Variants in CTR9 observed in about 807,000 individuals in gnomAD.
The protein encoded by CTR9 is CTR9 component of Paf1/RNA polymerase II complex.
A neutral mutation model predicts 152.1 loss-of-function variants in CTR9; 41 were observed. The observed-to-expected ratio is 0.27, with a 90% CI of 0.21 to 0.35. The LOEUF is 0.35. Among genes scored for constraint, CTR9 ranks in the 10% least tolerant of loss-of-function variants. CTR9 has a pLI of 1.00. For missense variants in CTR9, 917 were observed against 1,424.4 expected (o/e 0.64, Z 5.73); for synonymous variants, 476 against 496.2 (o/e 0.96, Z 0.54).
At chr11:10,776,724 G>GC (rs1863240609) in intron 24 of CTR9, among the ~76,000 whole-genome samples, 1 of 152,118 alleles carries the variant, frequency 6.6e-6, no homozygotes, top group Non-Finnish European at 1.5e-5. Context: ...TGTAATCCCA[G>GC]CACTTTGAGA....
intron 20 of CTR9, 59 bp from the exon 21 acceptor site, chr11:10,773,068 A>G (rs970953177): frequency 6.4e-7 from 1 of 1,558,346 alleles, no homozygotes; most frequent in Non-Finnish European, 8.6e-7. Flanking sequence ...GGTAGCCATT[A>G]ATTTTTCATC....
chr11:10,776,967 T>C (rs966503913), intron 24 of CTR9, among the ~76,000 whole-genome samples: 1 of 99,202 alleles, frequency 1.0e-5, no homozygotes, highest in African/African-American at 4.5e-5. Flanking sequence ...AATGAGACTC[T>C]TGTGAAAAAA....
chr11:10,752,134 C>T (rs905155941), intron 1 of CTR9, among the ~76,000 whole-genome samples: 2 of 151,912 alleles, frequency 1.3e-5, no homozygotes, highest in Admixed American at 1.3e-4. Flanking sequence ...GTATAAAATT[C>T]AGTGGTTTTT....
In CTR9 at chr11:10,778,810, C is replaced by A. The variant is rs1420544425; in HGVS notation, c.3227C>A (p.Pro1076Gln). 1.9e-6 allele frequency: 3 copies of A among 1,614,088 alleles called. No individual in the cohort carries two copies. Among genetic ancestry groups the A allele is most frequent in the African/African-American group, 1.3e-5 (1 of 74,914 alleles). Residue 1076 changes from proline (P) to glutamine (Q), a missense_variant, in exon 25 of 25, where the codon CCA (proline) becomes CAA (glutamine). By Grantham distance (76) the Pro-to-Gln change is moderately conservative. Around this residue, in one of 9 missense-constraint regions of CTR9, gnomAD observed 384 missense variants for 398.4 expected, o/e 0.96. Transcript: ENST00000361367. Reference sequence around the variant, plus strand: ...AGCGAGGCCGGCAGTCCCCGGAGGCCACGAAGACAGCGGTCAGATCAGGAC... The same window carrying A: ...AGCGAGGCCGGCAGTCCCCGGAGGCAACGAAGACAGCGGTCAGATCAGGAC... ...SGSEAGSPRR[P>Q]RRQRSDQDSD...
intron 24 of CTR9, among the ~76,000 whole-genome samples, chr11:10,778,027 C>G (rs1259447683): frequency 6.6e-6 from 1 of 152,274 alleles, no homozygotes; most frequent in East Asian, 1.9e-4. Flanking sequence ...CCTTTCCTTT[C>G]ACTTATCAAC....
Position 10,770,505 on chromosome 11 carries a change from A to G in CTR9, c.2245A>G (p.Ser749Gly). 6 of 1,613,174 alleles carry G rather than the reference A, an allele frequency of 3.7e-6. No homozygotes were observed. Among genetic ancestry groups the G allele is most frequent in the Non-Finnish European group, 5.1e-6 (6 of 1,179,746 alleles). Residue 749 changes from serine (S) to glycine (G), a missense_variant, in exon 18 of 25, where the codon AGT becomes GGT. Transcript: ENST00000361367. The part of the protein sequence containing the change: ...TLLKARHVAP[S>G]DTVLMFNVAL... ...TTCACAGGCTAGACATGTGGCACCC[A>G]GTGATACAGTTCTTATGTTTAATGT... is the stretch of plus-strand genomic sequence containing the variant.
Position 10,766,736 on chromosome 11 carries a change from C to T in CTR9, c.1686+246C>T, listed in dbSNP as rs72853087. On this transcript the variant is annotated intron_variant, in intron 13 of 24. Coordinates refer to ENST00000361367, the MANE Select transcript of CTR9 (RefSeq NM_014633.5). ...TTTTCCTTCTTCCCTTCCCCCATCCCATCCTTTCACTCCACTTCAACAAAT... is the reference window on the plus strand; with the variant it reads ...TTTTCCTTCTTCCCTTCCCCCATCCTATCCTTTCACTCCACTTCAACAAAT... 2.3e-3 allele frequency among the ~76,000 whole-genome samples: 347 copies of T among 152,208 alleles called. 1 individual carries two copies. The highest frequency in any genetic ancestry group is 4.1e-3 in the Admixed American group (62 of 15,284).
chr11:10,759,596 C>T (rs1276645764), intron 5 of CTR9, among the ~76,000 whole-genome samples: 1 of 152,078 alleles, frequency 6.6e-6, no homozygotes, highest in Non-Finnish European at 1.5e-5. Context: ...TATAAGATGG[C>T]AGAACGTTTA....
At chr11:10,757,790 A>G (rs1862909559) in intron 5 of CTR9, among the ~76,000 whole-genome samples, 1 of 152,194 alleles carries the variant, frequency 6.6e-6, no homozygotes, top group African/African-American at 2.4e-5. Flanking sequence ...GATAAATAGT[A>G]AAGTATGTAT....
chr11:10,766,610 C>A, intron 13 of CTR9, 120 bp downstream of exon 13: 1 of 685,788 alleles, frequency 1.5e-6, no homozygotes, highest in Non-Finnish European at 2.4e-6. Context: ...GTTTTGTTTT[C>A]ATTTACTTGT....
At chr11:10,756,655 CAG>C (rs1590017956) in intron 4 of CTR9, 92 bp from the exon 5 acceptor site, 8 of 788,122 alleles carry the variant, frequency 1.0e-5, no homozygotes, top group East Asian at 2.8e-5. Flanking sequence ...ATTTCTCACT[CAG>C]AGATGTATTT....
chr11:10,757,505 G>A (rs559195562), intron 5 of CTR9, among the ~76,000 whole-genome samples: 3 of 151,954 alleles, frequency 2.0e-5, no homozygotes, highest in East Asian at 1.9e-4. Flanking sequence ...TTGAGCCTAG[G>A]CATTTGAGGC....
Position 10,768,359 on chromosome 11 carries a change from C to T in CTR9, c.1977C>T (p.His659=), listed in dbSNP as rs1353337856. ...TATCTTTAGGAGCTGTTTTGGCCCA[C>T]AAAGGATATTTTCGTGAAGCTCGTG... is the stretch of plus-strand genomic sequence containing the variant. ...AANGIGAVLA[H]KGYFREARDV... The change falls in exon 16 of 25, where the codon CAC becomes CAT. Residue 659 remains histidine, a synonymous_variant. Transcript: ENST00000361367. 6.2e-7 allele frequency: 1 copy of T among 1,613,076 alleles called. No homozygotes were observed. Among genetic ancestry groups the T allele is most frequent in the Admixed American group, 1.7e-5 (1 of 59,768 alleles).
At chr11:10,775,784 G>A (rs1863224313) in intron 24 of CTR9, 151 bp downstream of exon 24, 4 of 513,800 alleles carry the variant, frequency 7.8e-6, no homozygotes, top group Non-Finnish European at 1.3e-5. Context: ...AAAATTGGAG[G>A]AAATAGATAA....
chr11:10,774,760 C>G (rs1863203870), intron 22 of CTR9, among the ~76,000 whole-genome samples: 1 of 152,180 alleles, frequency 6.6e-6, no homozygotes, highest in African/African-American at 2.4e-5. Context: ...CCCTTCCCAA[C>G]CCTTGGCCGA....
At position 10,763,630 on chromosome 11, in the gene CTR9, T is replaced by G; in HGVS notation, c.958-13T>G. 6.3e-7 allele frequency: 1 copy of G among 1,586,494 alleles called. No homozygotes were observed. The highest frequency in any genetic ancestry group is 8.5e-7 in the Non-Finnish European group (1 of 1,170,014). On this transcript the variant is annotated splice_polypyrimidine_tract_variant and intron_variant, in intron 8 of 24. Transcript: ENST00000361367. ...TTTGTACATATTGGTCTTTTTTAATTTTCATTCTTTAGGAAGATTATGACC... is the reference window on the plus strand; with the variant it reads ...TTTGTACATATTGGTCTTTTTTAATGTTCATTCTTTAGGAAGATTATGACC...
At chr11:10,770,144 TG>T in intron 16 of CTR9, 65 bp from the exon 17 acceptor site, 2 of 1,199,620 alleles carry the variant, frequency 1.7e-6, no homozygotes, top group East Asian at 4.8e-5. Flanking sequence ...AATGCCATTT[TG>T]CTACAAAATG....
At chr11:10,761,720 C>G (rs891798691) in intron 6 of CTR9, among the ~76,000 whole-genome samples, 7 of 151,424 alleles carry the variant, frequency 4.6e-5, no homozygotes, top group African/African-American at 1.7e-4. Flanking sequence ...AAGAACTGAA[C>G]AAGAAAATAA....
At chr11:10,758,529 C>T (rs758964725) in intron 5 of CTR9, among the ~76,000 whole-genome samples, 3 of 152,198 alleles carry the variant, frequency 2.0e-5, no homozygotes, top group Non-Finnish European at 4.4e-5. Flanking sequence ...TTATATTTTA[C>T]TATATTTGGG....
Sources: gnomAD v4.1 joint callset for allele counts (sites outside exome capture counted in the v4.1 genomes callset) on GRCh38, gnomAD v4.1.1 for gene constraint, gnomAD v4.1.1 regional missense constraint, MANE v1.5 for transcripts, NCBI Gene and HGNC (gene_info 2026-07-23, HGNC 2026-07-21) for gene names.